The following APBB2 variants were observed in gnomAD, a reference collection of about 807,000 sequenced individuals.
APBB2 encodes the protein amyloid beta precursor protein binding family B member 2, also known as Fe65-like 1.
A neutral mutation model predicts 82.5 loss-of-function variants in APBB2; 38 were observed. The ratio of observed to expected loss-of-function variants is 0.46; its 90% CI spans 0.36 to 0.60. The LOEUF is 0.60. APBB2 is among the 20% of genes least tolerant of loss of function. The pLI, the probability that APBB2 is intolerant of heterozygous loss-of-function variation, is 0.00. For missense variants in APBB2, 772 were observed against 972.3 expected, an observed-to-expected ratio of 0.79 and a Z score of 2.74; for synonymous variants, 341 against 368.2, an observed-to-expected ratio of 0.93 and a Z score of 0.85.
At chr4:41,115,411 G>A (rs950981755) in intron 2 of APBB2, among the ~76,000 whole-genome samples, 1 of 152,064 alleles carries the variant, frequency 6.6e-6, no homozygotes, top group African/African-American at 2.4e-5. Context: ...CATAGGCATG[G>A]GCAAAGACTT....
At chr4:40,979,800 A>G (rs577185102) in intron 6 of APBB2, among the ~76,000 whole-genome samples, 1 of 152,340 alleles carries the variant, frequency 6.6e-6, no homozygotes, top group East Asian at 1.9e-4. Context: ...ATGTCTCAGA[A>G]GAGATCACAG....
At chr4:41,211,531 G>A (rs1274324926) in intron 1 of APBB2, among the ~76,000 whole-genome samples, 2 of 151,862 alleles carry the variant, frequency 1.3e-5, no homozygotes, top group African/African-American at 4.8e-5. Flanking sequence ...TGCCCAGGCT[G>A]GAGTGCAGTG....
At chr4:40,995,211 T>C (rs531031564) in intron 6 of APBB2, among the ~76,000 whole-genome samples, 1 of 152,316 alleles carries the variant, frequency 6.6e-6, no homozygotes, top group South Asian at 2.1e-4. Context: ...TGGAAAATAA[T>C]ACACTGGCAT....
At chr4:41,184,896 T>TC (rs1307425741) in intron 1 of APBB2, among the ~76,000 whole-genome samples, 2 of 152,200 alleles carry the variant, frequency 1.3e-5, no homozygotes, top group East Asian at 3.8e-4. Flanking sequence ...CTCAGCTTCT[T>TC]CCCCTGCACA....
chr4:40,944,269 T>A (rs1787777846), intron 7 of APBB2, among the ~76,000 whole-genome samples: 1 of 152,256 alleles, frequency 6.6e-6, no homozygotes, highest in African/African-American at 2.4e-5. Context: ...GACATTTTTT[T>A]AATGCCTCAA....
At chr4:40,966,176 T>C (rs1434824038) in intron 6 of APBB2, among the ~76,000 whole-genome samples, 2 of 152,200 alleles carry the variant, frequency 1.3e-5, no homozygotes, top group Non-Finnish European at 2.9e-5. Flanking sequence ...AATTTAGAGA[T>C]TATATATTCA....
At chr4:41,180,310 T>C (rs1275780035) in intron 1 of APBB2, among the ~76,000 whole-genome samples, 1 of 152,136 alleles carries the variant, frequency 6.6e-6, no homozygotes, top group Non-Finnish European at 1.5e-5. Flanking sequence ...TCAGGGTCCT[T>C]AAGAGTAAAC....
intron 12 of APBB2, among the ~76,000 whole-genome samples, chr4:40,862,592 G>A (rs113921324): frequency 0.015 from 2,322 of 152,286 alleles, 56 homozygotes; most frequent in African/African-American, 0.054. Context: ...CGGGCACCGC[G>A]GCTCACGCCT....
intron 10 of APBB2, among the ~76,000 whole-genome samples, chr4:40,920,838 T>G (rs4470673): frequency 0.38 from 57,477 of 152,018 alleles, 11,205 homozygotes; most frequent in East Asian, 0.63. Flanking sequence ...ACCATTGCAC[T>G]CCAGCCTGGG....
chr4:40,930,444 T>TGCGC (rs1165262314), intron 10 of APBB2, among the ~76,000 whole-genome samples: 1 of 60,894 alleles, frequency 1.6e-5, no homozygotes, highest in African/African-American at 4.9e-5. Flanking sequence ...TGTGTGTGTG[T>TGCGC]GTGTGCGCGC....
intron 1 of APBB2, among the ~76,000 whole-genome samples, chr4:41,148,442 T>G (rs1761379143): frequency 1.3e-5 from 2 of 152,292 alleles, no homozygotes; most frequent in South Asian, 4.1e-4. Flanking sequence ...TGTCAACCAT[T>G]CAAACTGAAT....
intron 6 of APBB2, among the ~76,000 whole-genome samples, chr4:40,967,504 G>T (rs1026609676): frequency 6.6e-6 from 1 of 152,158 alleles, no homozygotes; most frequent in African/African-American, 2.4e-5. Flanking sequence ...GCGTTTACTG[G>T]TGCCAGCCAT....
intron 1 of APBB2, among the ~76,000 whole-genome samples, chr4:41,159,964 A>G (rs866611960): frequency 0.015 from 847 of 58,082 alleles, 52 homozygotes; most frequent in Non-Finnish European, 0.018. Flanking sequence ...GGAGAAGGAG[A>G]AGAAGAAGAA....
At chr4:41,152,401 C>T (rs1026021929) in intron 1 of APBB2, among the ~76,000 whole-genome samples, 21 of 151,436 alleles carry the variant, frequency 1.4e-4, no homozygotes, top group African/African-American at 4.9e-4. Context: ...CCGCTCACTA[C>T]AAGCTCCGCC....
intron 6 of APBB2, among the ~76,000 whole-genome samples, chr4:41,000,737 T>C: frequency 6.6e-6 from 1 of 152,242 alleles, no homozygotes; most frequent in South Asian, 2.1e-4. Flanking sequence ...CATTCCAGAT[T>C]ATTACCAATC....
At chr4:40,905,444 C>T (rs554946104) in intron 10 of APBB2, among the ~76,000 whole-genome samples, 3 of 152,300 alleles carry the variant, frequency 2.0e-5, no homozygotes, top group South Asian at 2.1e-4. Flanking sequence ...CGGAGCCAGG[C>T]GAGTTCCCAG....
intron 6 of APBB2, among the ~76,000 whole-genome samples, chr4:40,974,041 A>G (rs943801187): frequency 6.6e-6 from 1 of 151,646 alleles, no homozygotes; most frequent in Non-Finnish European, 1.5e-5. Context: ...TTTAGTAGAG[A>G]CGGGGTTTCA....
intron 6 of APBB2, among the ~76,000 whole-genome samples, chr4:40,986,175 T>G (rs912693413): frequency 2.0e-5 from 3 of 152,186 alleles, no homozygotes; most frequent in African/African-American, 7.2e-5. Flanking sequence ...ATGATTCCCC[T>G]GCCAGTCTAA....
chr4:41,141,709 T>C (rs1377366372), intron 2 of APBB2, among the ~76,000 whole-genome samples: 1 of 152,188 alleles, frequency 6.6e-6, no homozygotes, highest in African/African-American at 2.4e-5. Context: ...CTCACAATCA[T>C]GGTGGAAGGC....
Sources: gnomAD v4.1 joint callset for allele counts (sites outside exome capture counted in the v4.1 genomes callset) on GRCh38, gnomAD v4.1.1 for gene constraint, MANE v1.5 for transcripts, NCBI Gene and HGNC (gene_info 2026-07-23, HGNC 2026-07-21) for gene names.